The following FREM2 variants were observed in gnomAD, a reference collection of about 807,000 sequenced individuals.
FREM2 encodes FRAS1 related extracellular matrix 2.
A neutral mutation model predicts 219.9 loss-of-function variants in FREM2; 119 were observed. The observed-to-expected ratio is 0.54, with a 90% confidence interval of 0.47 to 0.63. FREM2 has a LOEUF of 0.63. FREM2 is among the 30% of genes least tolerant of loss of function. The pLI is 0.00. For missense variants in FREM2, 4,030 were observed against 3,993.6 expected (o/e 1.01, Z -0.25); for synonymous variants, 1,562 against 1,522.8 (o/e 1.03, Z -0.60).
At chr13:38,825,908 TAAATGA>T (rs1213655819) in intron 6 of FREM2, among the ~76,000 whole-genome samples, 3 of 152,134 alleles carry the variant, frequency 2.0e-5, no homozygotes, top group Non-Finnish European at 2.9e-5. Context: ...TTATTCTCTA[TAAATGA>T]AAATACACGT....
Position 38,857,953 on chromosome 13 carries a change from T to G in FREM2, c.7135T>G (p.Ser2379Ala). Reference protein sequence around the residue: ...VTFPSVPQIVSLLMYDDTSKA... With the variant: ...VTFPSVPQIVALLMYDDTSKA... Reference sequence around the variant, plus strand: ...TTTTCCTTCTGTCCCTCAAATTGTATCCCTGTTGATGTATGACGACACTTC... The same window carrying G: ...TTTTCCTTCTGTCCCTCAAATTGTAGCCCTGTTGATGTATGACGACACTTC... The change falls in exon 13 of 24, where the codon TCC becomes GCC. Residue 2379 changes from serine to alanine, a missense_variant. By Grantham distance (99) the Ser-to-Ala change is moderately conservative. Around this residue, in one of 2 missense-constraint regions of FREM2, gnomAD observed 928 missense variants for 1,042.9 expected, o/e 0.89. Transcript: ENST00000280481. 1 of 1,613,776 alleles carries G rather than the reference T, an allele frequency of 6.2e-7. No individual in the cohort carries two copies. The highest frequency in any genetic ancestry group is 1.7e-5 in the Admixed American group (1 of 60,024).
chr13:38,771,784 AAACCC>A (rs1282627115), intron 4 of FREM2, among the ~76,000 whole-genome samples: 9 of 152,194 alleles, frequency 5.9e-5, no homozygotes, highest in African/African-American at 2.2e-4. Context: ...ATTGGTCTTG[AAACCC>A]AACTCTATTT....
chr13:38,722,361 A>AATAT (rs10689108), intron 2 of FREM2, among the ~76,000 whole-genome samples: 9,338 of 149,868 alleles, frequency 0.062, 767 homozygotes, highest in African/African-American at 0.19. Flanking sequence ...CGTCCAGCCC[A>AATAT]ATATATATAT....
chr13:38,819,332 A>T (rs1448579736), intron 6 of FREM2, among the ~76,000 whole-genome samples: 1 of 152,170 alleles, frequency 6.6e-6, no homozygotes, highest in Non-Finnish European at 1.5e-5. Flanking sequence ...TGCTAGTCAC[A>T]TAAAAACATT....
chr13:38,687,352 C>T lies in FREM2; in HGVS notation c.8C>T (p.Ser3Leu). Residue 3 changes from serine to leucine, a missense_variant, in exon 1 of 24, where the codon TCA (serine) becomes TTA (leucine). Physicochemically the swap from Ser to Leu is moderately radical, Grantham distance 145 (BLOSUM62 -2). This residue lies in a region of FREM2 where 3,102 missense variants were observed against 2,950.7 expected (regional missense o/e 1.05). Transcript: ENST00000280481. MH[S>L]AGTPGLSSRR... is the part of the protein sequence containing the mutation. ...AGCCCGAACACCGGGACCATGCACT[C>T]AGCCGGGACTCCCGGGTTATCCTCG... is the stretch of plus-strand genomic sequence containing the variant. 1 of 1,604,816 alleles carries T rather than the reference C, an allele frequency of 6.2e-7. No homozygotes were observed. Among genetic ancestry groups the T allele is most frequent in the South Asian group, 1.1e-5 (1 of 89,414 alleles).
At chr13:38,845,862 C>T (rs1877132075) in intron 6 of FREM2, among the ~76,000 whole-genome samples, 1 of 152,040 alleles carries the variant, frequency 6.6e-6, no homozygotes. Context: ...TACGAAGACC[C>T]CAAAGCATGT....
intron 6 of FREM2, among the ~76,000 whole-genome samples, chr13:38,840,652 GTA>G (rs1566162047): frequency 1.6e-5 from 2 of 128,576 alleles, no homozygotes; most frequent in Non-Finnish European, 3.1e-5. Flanking sequence ...ATATGTGTAT[GTA>G]TATATATACA....
chr13:38,738,565 C>CAAAT (rs1418720081), intron 2 of FREM2, among the ~76,000 whole-genome samples: 3 of 48,478 alleles, frequency 6.2e-5, no homozygotes, highest in East Asian at 6.6e-4. Context: ...GACTCCATCT[C>CAAAT]AAAAAAAAAA....
chr13:38,764,997 G>A (rs367631317), intron 3 of FREM2, among the ~76,000 whole-genome samples: 13 of 152,222 alleles, frequency 8.5e-5, no homozygotes, highest in East Asian at 5.8e-4. Flanking sequence ...TGCAAGCTCC[G>A]CCTCCCAGGT....
intron 13 of FREM2, among the ~76,000 whole-genome samples, chr13:38,858,914 G>A (rs1041091203): frequency 2.1e-5 from 3 of 144,962 alleles, no homozygotes; most frequent in Non-Finnish European, 4.5e-5. Context: ...ATCAACTTAA[G>A]CAATACTGTT....
chr13:38,804,127 A>G (rs924296376), intron 6 of FREM2, among the ~76,000 whole-genome samples: 2 of 152,130 alleles, frequency 1.3e-5, no homozygotes, highest in Non-Finnish European at 2.9e-5. Context: ...GAGTTAGAAC[A>G]AAATGAAAAA....
At chr13:38,839,845 G>T (rs1202577468) in intron 6 of FREM2, among the ~76,000 whole-genome samples, 1 of 152,172 alleles carries the variant, frequency 6.6e-6, no homozygotes, top group African/African-American at 2.4e-5. Context: ...TCAGTCTGCT[G>T]TGCTGGCAGC....
At chr13:38,692,946 C>T (rs1869957576) in intron 1 of FREM2, among the ~76,000 whole-genome samples, 2 of 152,154 alleles carry the variant, frequency 1.3e-5, no homozygotes, top group African/African-American at 4.8e-5. Context: ...TATCAATTAC[C>T]ATTCCAAAAA....
At chr13:38,833,925 T>C (rs4587830) in intron 6 of FREM2, among the ~76,000 whole-genome samples, 15,123 of 152,190 alleles carry the variant, frequency 0.099, 1,583 homozygotes, top group African/African-American at 0.26. Flanking sequence ...TAGAGATGTT[T>C]ATTTTGTTTT....
rs1347696539 is a variant in FREM2 at position 38,886,810 on chromosome 13, A to T, written c.*6023A>T. On this transcript the variant is annotated 3_prime_UTR_variant, in exon 24 of 24. Coordinates refer to ENST00000280481, the MANE Select transcript of FREM2 (RefSeq NM_207361.6). ...AAGTGCCCTCCATAACACTAAGTAA[A>T]TTTATATTTATCTAGCCTCTGAGTG... is the stretch of plus-strand genomic sequence containing the variant. The T allele has an allele frequency of 6.6e-6, 1 of 152,202 alleles. No homozygotes were observed. The highest frequency in any genetic ancestry group is 2.4e-5 in the African/African-American group (1 of 41,460). The allele number at this position is 152,202 out of a possible 1,614,324, so 9.4% of individuals were successfully genotyped here.
rs370050139 is a variant in FREM2 at position 38,702,466 on chromosome 13, G to A, written c.5263+4679G>A. Among the ~76,000 whole-genome samples the A allele has an allele frequency of 6.0e-4, 92 of 152,262 alleles. 3 individuals carry two copies. The South Asian group carries it at 0.012, about 20-fold the overall frequency. ...GTGGTATGAGATAACATTAGGACAG[G>A]TGGAGAAGTAGAAGACAATACCAGC... On this transcript the variant is annotated intron_variant, in intron 2 of 23. Transcript: ENST00000280481.
rs1247048820 is a variant in FREM2, at chr13:38,882,650, G to A, written c.*1863G>A. The A allele has an allele frequency of 6.6e-6, 1 of 152,154 alleles. No individual in the cohort carries two copies. Among genetic ancestry groups the A allele is most frequent in the Non-Finnish European group, 1.5e-5 (1 of 68,024 alleles). The allele number at this position is 152,154 out of a possible 1,614,324, so 9.4% of individuals were successfully genotyped here. On this transcript the variant is annotated 3_prime_UTR_variant, in exon 24 of 24. Coordinates refer to ENST00000280481, the MANE Select transcript of FREM2 (RefSeq NM_207361.6). ...ACTGTGTAGCCCAGGAGTTTATTTA[G>A]CAAGATAAATAGTGGTAATTTCTTA...
In FREM2 at chr13:38,878,338, A is replaced by C; in HGVS notation, c.8859+17A>C. Reference sequence around the variant, plus strand: ...AAAATTGTGGTAAGTGCTTTGACCCAAAAAATGAGCTAGATAGATTTTTCA... The same window carrying C: ...AAAATTGTGGTAAGTGCTTTGACCCCAAAAATGAGCTAGATAGATTTTTCA... On this transcript the variant is annotated intron_variant, in intron 22 of 23. Coordinates refer to ENST00000280481, the MANE Select transcript of FREM2 (RefSeq NM_207361.6). 3 of 1,588,890 alleles carry C rather than the reference A, an allele frequency of 1.9e-6. No homozygotes were observed. The highest frequency in any genetic ancestry group is 2.6e-6 in the Non-Finnish European group (3 of 1,160,646).
chr13:38,784,416 T>C (rs1874242570), intron 5 of FREM2, 141 bp from the exon 6 acceptor site: 1 of 803,848 alleles, frequency 1.2e-6, no homozygotes, highest in Admixed American at 2.0e-5. Context: ...ACTAGAACAG[T>C]ACGTAGTTGC....
Sources: allele counts gnomAD v4.1 joint callset (sites outside exome capture counted in the v4.1 genomes callset), GRCh38; gene constraint gnomAD v4.1.1; regional missense constraint gnomAD v4.1.1; transcripts MANE v1.5; gene names NCBI Gene and HGNC (gene_info 2026-07-23, HGNC 2026-07-21).